FRYL: variants seen among roughly 807,000 people sequenced by gnomAD.
FRYL encodes FRY like transcription coactivator, also known as protein furry homolog-like.
In FRYL, 150 loss-of-function variants were observed where a neutral mutation model predicts 351.2. That is an observed-to-expected ratio of 0.43 (90% CI 0.37 to 0.49). FRYL has a LOEUF of 0.49. Among genes scored for constraint, FRYL ranks in the 20% least tolerant of loss-of-function variants. FRYL has a pLI of 0.00. For missense variants in FRYL, 3,036 were observed against 3,619.3 expected, an observed-to-expected ratio of 0.84 and a Z score of 4.13; for synonymous variants, 1,153 against 1,257.1, an observed-to-expected ratio of 0.92 and a Z score of 1.75.
chr4:48,703,507 G>C (rs1048954638), intron 2 of FRYL, among the ~76,000 whole-genome samples: 1 of 152,062 alleles, frequency 6.6e-6, no homozygotes, highest in Non-Finnish European at 1.5e-5. Context: ...CAGCTAAACT[G>C]GTCTTTTCAT....
At chr4:48,632,750 T>C (rs2149365706) in intron 4 of FRYL, among the ~76,000 whole-genome samples, 1 of 152,298 alleles carries the variant, frequency 6.6e-6, no homozygotes, top group East Asian at 1.9e-4. Flanking sequence ...ATTTCATAGA[T>C]GCTTTCCTCA....
At position 48,718,564 on chromosome 4, in the gene FRYL, C is replaced by G. The variant is rs1168120300; in HGVS notation, c.-383-7866G>C. ...ACACTCTAAAGTGTGAAAATTGACC[C>G]TATTAAATTTGAATTCTCTCTTACA... On this transcript the variant is annotated intron_variant, in intron 1 of 63. Transcript: ENST00000358350. Among the ~76,000 whole-genome samples the G allele has an allele frequency of 2.6e-5, 4 of 151,500 alleles. No homozygotes were observed. The East Asian group carries it at 5.8e-4, about 22-fold the overall frequency.
chr4:48,755,369 A>G (rs1188406800), intron 1 of FRYL, among the ~76,000 whole-genome samples: 1 of 152,164 alleles, frequency 6.6e-6, no homozygotes, highest in Non-Finnish European at 1.5e-5. Context: ...CATTCACATC[A>G]TTACAAAAAA....
intron 3 of FRYL, among the ~76,000 whole-genome samples, chr4:48,652,251 C>G (rs577537618): frequency 7.9e-5 from 12 of 152,304 alleles, no homozygotes; most frequent in African/African-American, 2.9e-4. Flanking sequence ...ATATAATACA[C>G]TGTTCTTCTA....
At chr4:48,653,144 A>T (rs1473457087) in intron 3 of FRYL, among the ~76,000 whole-genome samples, 1 of 152,228 alleles carries the variant, frequency 6.6e-6, no homozygotes, top group Non-Finnish European at 1.5e-5. Context: ...GCTCAACGGC[A>T]TCAGTTGTAT....
intron 3 of FRYL, among the ~76,000 whole-genome samples, chr4:48,683,636 A>C (rs1467891361): frequency 6.6e-6 from 1 of 152,156 alleles, no homozygotes; most frequent in Non-Finnish European, 1.5e-5. Flanking sequence ...CTCCCATAGG[A>C]AAAAAACAAC....
At chr4:48,533,613 T>C (rs1173743875) in intron 49 of FRYL, among the ~76,000 whole-genome samples, 2 of 152,188 alleles carry the variant, frequency 1.3e-5, no homozygotes, top group African/African-American at 4.8e-5. Context: ...TCTATTAAGG[T>C]TGTTAATGAG....
At chr4:48,689,880 T>C (rs1449710687) in intron 2 of FRYL, among the ~76,000 whole-genome samples, 1 of 151,732 alleles carries the variant, frequency 6.6e-6, no homozygotes, top group Non-Finnish European at 1.5e-5. Flanking sequence ...AGTAGGTTTT[T>C]TAATTTCTTT....
At chr4:48,763,134 T>C (rs1014357450) in intron 1 of FRYL, among the ~76,000 whole-genome samples, 9 of 139,570 alleles carry the variant, frequency 6.4e-5, no homozygotes, top group African/African-American at 2.4e-4. Context: ...AAAAAAGATA[T>C]GGTTTCAGAA....
intron 1 of FRYL, among the ~76,000 whole-genome samples, chr4:48,772,378 T>A (rs1578990389): frequency 1.3e-5 from 2 of 152,080 alleles, no homozygotes; most frequent in East Asian, 3.9e-4. Flanking sequence ...AGAGCAAGAC[T>A]CTGTGTCAAA....
chr4:48,656,405 T>TATATAATATATACTA (rs1759146538), intron 3 of FRYL, among the ~76,000 whole-genome samples: 5 of 11,710 alleles, frequency 4.3e-4, no homozygotes, highest in Non-Finnish European at 6.8e-4. Flanking sequence ...AATATATAAT[T>TATATAATATATACTA]ATATATAATG....
rs564058305 is a variant in FRYL, at chr4:48,769,979, T to A, written c.-384+10099A>T. On this transcript the variant is annotated intron_variant, in intron 1 of 63. Transcript: ENST00000358350. The stretch of plus-strand genomic sequence containing the variant: ...TTGGCAGTGGTGGGACAGTTCTATA[T>A]CTTGACTGTGGTGGTGGCAGTTATA... Among the ~76,000 whole-genome samples, 304 of 152,310 alleles carry A rather than the reference T, an allele frequency of 2.0e-3. 2 individuals carry two copies. Among genetic ancestry groups the A allele is most frequent in the African/African-American group, 7.0e-3 (292 of 41,566 alleles).
chr4:48,546,916 A>T lies in FRYL; in HGVS notation c.5075-645T>A, dbSNP rs114573100. 4.6e-3 allele frequency among the ~76,000 whole-genome samples: 699 copies of T among 152,238 alleles called. 7 individuals carry two copies. Among genetic ancestry groups the T allele is most frequent in the African/African-American group, 0.016 (647 of 41,568 alleles). ...GTTTCCTAACTATAGGATTTTAAAT[A>T]AATAACAGGGTTTTAACTAACTTTA... On this transcript the variant is annotated intron_variant, in intron 41 of 63. Transcript: ENST00000358350.
chr4:48,729,945 G>A (rs1770539822), intron 1 of FRYL, among the ~76,000 whole-genome samples: 2 of 152,158 alleles, frequency 1.3e-5, no homozygotes, highest in African/African-American at 2.4e-5. Context: ...AAACTTCTCT[G>A]AGCATGTTCT....
rs369756589 is a variant in FRYL at position 48,700,762 on chromosome 4, A to C, written c.-204+9757T>G. 1.4e-3 allele frequency among the ~76,000 whole-genome samples: 214 copies of C among 152,090 alleles called. 1 individual carries two copies. Among genetic ancestry groups the C allele is most frequent in the African/African-American group, 4.6e-3 (190 of 41,478 alleles). On this transcript the variant is annotated intron_variant, in intron 2 of 63. Transcript: ENST00000358350. The stretch of plus-strand genomic sequence containing the variant: ...GGCTGCAGTGAGCTATGATTGCACC[A>C]CTGCACTTCAGCCTGGGTGACAAAG...
intron 1 of FRYL, among the ~76,000 whole-genome samples, chr4:48,721,819 T>C (rs1769502841): frequency 4.6e-5 from 7 of 152,162 alleles, no homozygotes; most frequent in Admixed American, 3.3e-4. Flanking sequence ...TTATGTGTTT[T>C]AGTACAGATG....
intron 1 of FRYL, 146 bp from the exon 2 acceptor site, chr4:48,710,844 G>GTA (rs1216668351): frequency 2.7e-6 from 1 of 368,998 alleles, no homozygotes; most frequent in Non-Finnish European, 4.8e-6. Flanking sequence ...CCACACCCAG[G>GTA]TATATACTCC....
intron 9 of FRYL, 44 bp from the exon 10 acceptor site, chr4:48,606,650 C>A: frequency 6.8e-7 from 1 of 1,474,428 alleles, no homozygotes; most frequent in Non-Finnish European, 9.3e-7. Flanking sequence ...ATTAAAAACA[C>A]TAATTTCCAC....
chr4:48,584,060 C>T (rs1311583602), intron 19 of FRYL, among the ~76,000 whole-genome samples: 3 of 151,746 alleles, frequency 2.0e-5, no homozygotes, highest in Admixed American at 6.6e-5. Flanking sequence ...CAGAAGTTTA[C>T]CATAACATAA....
Sources: gnomAD v4.1 joint callset for allele counts (sites outside exome capture counted in the v4.1 genomes callset) on GRCh38, gnomAD v4.1.1 for gene constraint, MANE v1.5 for transcripts, NCBI Gene and HGNC (gene_info 2026-07-23, HGNC 2026-07-21) for gene names.